DPF3: variants seen among roughly 807,000 people sequenced by gnomAD.
DPF3 encodes double PHD fingers 3.
Under a neutral mutation model 56.8 loss-of-function variants are expected in DPF3, and 18 were observed. The observed-to-expected ratio is 0.32, with a 90% CI of 0.22 to 0.47. The LOEUF is 0.47. DPF3 is among the 20% of genes least tolerant of loss of function. The pLI is 1.00. For synonymous variants in DPF3, 188 were observed against 180.2 expected (o/e 1.04, Z -0.35); for missense variants, 403 against 488.8 (o/e 0.82, Z 1.65).
At chr14:72,671,470 C>G in intron 8 of DPF3, 1 of 1,274,824 alleles carries the variant, frequency 7.8e-7, no homozygotes, top group Non-Finnish European at 1.1e-6. Flanking sequence ...AGGGATTAAC[C>G]CGGTGCATCA....
intron 7 of DPF3, among the ~76,000 whole-genome samples, chr14:72,689,097 C>T (rs1374743777): frequency 6.6e-6 from 1 of 151,838 alleles, no homozygotes; most frequent in Non-Finnish European, 1.5e-5. Flanking sequence ...CACAGGGCAG[C>T]ATGGGCGGGG....
intron 1 of DPF3, among the ~76,000 whole-genome samples, chr14:72,824,851 C>T (rs1599474665): frequency 1.3e-5 from 2 of 151,750 alleles, no homozygotes; most frequent in Non-Finnish European, 2.9e-5. Flanking sequence ...GGATTACAGG[C>T]GTGAGCTACC....
intron 1 of DPF3, chr14:72,853,206 ATGT>A (rs531669195): frequency 4.2e-4 from 60 of 141,250 alleles, no homozygotes; most frequent in African/African-American, 1.4e-3. Flanking sequence ...TACAATCAGC[ATGT>A]TGTTGTTTTT....
intron 1 of DPF3, among the ~76,000 whole-genome samples, chr14:72,864,017 A>G (rs1223958393): frequency 1.3e-5 from 2 of 152,190 alleles, no homozygotes; most frequent in Non-Finnish European, 2.9e-5. Flanking sequence ...AGAGTCTGCC[A>G]AAAGGTGGTG....
intron 8 of DPF3, among the ~76,000 whole-genome samples, chr14:72,647,643 G>A (rs1424785568): frequency 5.9e-5 from 9 of 152,176 alleles, no homozygotes; most frequent in Admixed American, 5.9e-4. Context: ...TTAAGACACG[G>A]TTTCCATTGT....
chr14:72,824,391 G>C (rs962567587), intron 1 of DPF3, among the ~76,000 whole-genome samples: 4 of 152,070 alleles, frequency 2.6e-5, no homozygotes, highest in African/African-American at 9.7e-5. Context: ...CTGTTCACCA[G>C]TATCTCCTTT....
intron 9 of DPF3, among the ~76,000 whole-genome samples, chr14:72,626,028 T>C (rs1052181746): frequency 5.3e-5 from 8 of 152,244 alleles, no homozygotes; most frequent in Non-Finnish European, 8.8e-5. Flanking sequence ...AAATACTGTT[T>C]TCCAAAGTTA....
intron 1 of DPF3, among the ~76,000 whole-genome samples, chr14:72,774,879 T>C (rs1599430316): frequency 6.6e-6 from 1 of 152,098 alleles, no homozygotes. Flanking sequence ...ATGAGATTGA[T>C]CAAAAATAAA....
chr14:72,862,744 C>T (rs143671838), intron 1 of DPF3, among the ~76,000 whole-genome samples: 245 of 152,246 alleles, frequency 1.6e-3, no homozygotes, highest in African/African-American at 5.5e-3. Context: ...TCAAATGTTG[C>T]TTCTCAGGGA....
chr14:72,747,607 G>A (rs1369873443), intron 3 of DPF3, among the ~76,000 whole-genome samples: 9 of 149,072 alleles, frequency 6.0e-5, no homozygotes, highest in African/African-American at 2.0e-4. Flanking sequence ...GGGCAACATA[G>A]TGAGACCCCC....
chr14:72,865,960 T>A (rs565048815), intron 1 of DPF3, among the ~76,000 whole-genome samples: 11 of 152,086 alleles, frequency 7.2e-5, no homozygotes, highest in African/African-American at 2.4e-4. Flanking sequence ...GGCAGGAGAA[T>A]CACTTGAACC....
At chr14:72,790,020 G>C (rs996085128) in intron 1 of DPF3, among the ~76,000 whole-genome samples, 4 of 152,102 alleles carry the variant, frequency 2.6e-5, no homozygotes, top group Admixed American at 6.5e-5. Flanking sequence ...GGGAGGCCAA[G>C]GCAGGCAGAT....
intron 1 of DPF3, among the ~76,000 whole-genome samples, chr14:72,838,245 G>A (rs1857224146): frequency 6.6e-6 from 1 of 152,206 alleles, no homozygotes; most frequent in South Asian, 2.1e-4. Flanking sequence ...TGTAATTCCA[G>A]CACTCTGGGA....
At chr14:72,697,549 G>T (rs554151036) in intron 6 of DPF3, among the ~76,000 whole-genome samples, 50 of 152,288 alleles carry the variant, frequency 3.3e-4, no homozygotes, top group African/African-American at 1.2e-3. Flanking sequence ...GAGGTGGAGC[G>T]GTGGGGGTGG....
chr14:72,892,293 C>A (rs1167621603), intron 1 of DPF3: 3 of 1,535,336 alleles, frequency 2.0e-6, no homozygotes, highest in African/African-American at 2.7e-5. Flanking sequence ...CGAAAGCAAC[C>A]GGCAGCGAGG....
At chr14:72,835,833 G>T (rs1214950495) in intron 1 of DPF3, among the ~76,000 whole-genome samples, 5 of 152,106 alleles carry the variant, frequency 3.3e-5, no homozygotes, top group Admixed American at 2.0e-4. Flanking sequence ...GTCTCACCTG[G>T]GCATAGTTAC....
At chr14:72,670,242 T>G in intron 8 of DPF3, 1 of 985,896 alleles carries the variant, frequency 1.0e-6, no homozygotes, top group Non-Finnish European at 1.2e-6. Context: ...CCTCGGGTGG[T>G]GGAGTCACTG....
chr14:72,674,500 TG>T, intron 7 of DPF3, 132 bp from the exon 8 acceptor site: 1 of 1,325,494 alleles, frequency 7.5e-7, no homozygotes, highest in Non-Finnish European at 1.0e-6. Context: ...GTTGGCAAAT[TG>T]GGCTACGCTT....
In DPF3 at chr14:72,612,300, T is replaced by C. The variant is rs1229165388; in HGVS notation, c.*6997A>G. Among the ~76,000 whole-genome samples, 4 of 152,166 alleles carry C rather than the reference T, an allele frequency of 2.6e-5. No individual in the cohort carries two copies. Among genetic ancestry groups the C allele is most frequent in the African/African-American group, 7.2e-5 (3 of 41,442 alleles). Reference sequence around the variant, plus strand: ...CCAAATGCCATGTGGACCAGACGCATTGGTGAGCCAGGGACGCCCTGCCTA... The same window carrying C: ...CCAAATGCCATGTGGACCAGACGCACTGGTGAGCCAGGGACGCCCTGCCTA... On this transcript the variant is annotated 3_prime_UTR_variant, in exon 11 of 11. Coordinates refer to ENST00000556509, the MANE Select transcript of DPF3 (RefSeq NM_001280542.3).
Sources: gnomAD v4.1 joint callset for allele counts (sites outside exome capture counted in the v4.1 genomes callset) on GRCh38, gnomAD v4.1.1 for gene constraint, MANE v1.5 for transcripts, NCBI Gene and HGNC (gene_info 2026-07-23, HGNC 2026-07-21) for gene names.